DZANK1: variants seen among roughly 807,000 people sequenced by gnomAD.
The protein encoded by DZANK1 is double zinc ribbon and ankyrin repeat-containing protein 1.
DZANK1 carries 91 observed loss-of-function variants against 94.5 expected under a neutral mutation model. That is an observed-to-expected ratio of 0.96 (90% CI 0.81 to 1.15). DZANK1 has a LOEUF of 1.15. Among genes scored for constraint, DZANK1 ranks in the 50% most tolerant of loss-of-function variants. The pLI is 0.00. For missense variants in DZANK1, 903 were observed against 916.4 expected (o/e 0.99, Z 0.19); for synonymous variants, 312 against 325.3 (o/e 0.96, Z 0.44).
chr20:18,436,360 C>G lies in DZANK1; in HGVS notation c.748-2595G>C, dbSNP rs376655692. ...TTGGGAGGCTGAGGCAGGAGAATGG[C>G]GTGAACCCGGGAGGCGGAGCTTGCA... On this transcript the variant is annotated intron_variant, in intron 8 of 20. Transcript: ENST00000262547. Among the ~76,000 whole-genome samples the G allele has an allele frequency of 3.3e-5, 5 of 149,434 alleles. No homozygotes were observed. The South Asian group carries it at 1.1e-3, about 32-fold the overall frequency.
intron 10 of DZANK1, among the ~76,000 whole-genome samples, chr20:18,416,738 G>A (rs749394847): frequency 1.1e-4 from 16 of 152,084 alleles, no homozygotes; most frequent in Non-Finnish European, 2.2e-4. Flanking sequence ...CCCGAGAACA[G>A]AGGGCCTCTT....
chr20:18,431,680 ATC>A (rs1355383416), intron 9 of DZANK1, among the ~76,000 whole-genome samples: 1 of 152,176 alleles, frequency 6.6e-6, no homozygotes, highest in East Asian at 1.9e-4. Flanking sequence ...GATGATAAAA[ATC>A]TCTCTACAAA....
chr20:18,414,006 C>G (rs2057374448), intron 12 of DZANK1, among the ~76,000 whole-genome samples: 1 of 152,090 alleles, frequency 6.6e-6, no homozygotes, highest in Admixed American at 6.6e-5. Flanking sequence ...TCAAACTATG[C>G]CCAGCTGTTA....
At chr20:18,390,390 G>A in exon 18 of DZANK1, 3 of 1,613,936 alleles carry the variant, frequency 1.9e-6, no homozygotes, top group Non-Finnish European at 2.5e-6. Context: ...TCATCCAGCA[G>A]CTGTTCAATC....
chr20:18,396,838 A>C (rs2148260840), intron 14 of DZANK1, among the ~76,000 whole-genome samples: 1 of 152,368 alleles, frequency 6.6e-6, no homozygotes, highest in South Asian at 2.1e-4. Context: ...AAATCTATGC[A>C]TTCTTCAAGA....
intron 8 of DZANK1, 150 bp downstream of exon 8, chr20:18,443,197 T>C (rs1338714222): frequency 3.2e-6 from 2 of 623,306 alleles, no homozygotes; most frequent in Non-Finnish European, 5.6e-6. Context: ...TTTTCCATGC[T>C]TAAGTAGGAG....
chr20:18,408,196 A>G (rs981555298), intron 13 of DZANK1, among the ~76,000 whole-genome samples: 11 of 152,140 alleles, frequency 7.2e-5, no homozygotes, highest in Non-Finnish European at 1.5e-4. Flanking sequence ...CACGCCCGCT[A>G]TCCCAGCTAC....
At chr20:18,419,721 T>C (rs908155951) in intron 10 of DZANK1, among the ~76,000 whole-genome samples, 18 of 152,030 alleles carry the variant, frequency 1.2e-4, no homozygotes, top group African/African-American at 4.1e-4. Context: ...AATAAAGACA[T>C]TTTCAGGTAA....
At chr20:18,464,827 C>G (rs555392085) in intron 2 of DZANK1, among the ~76,000 whole-genome samples, 2 of 151,988 alleles carry the variant, frequency 1.3e-5, no homozygotes, top group South Asian at 2.1e-4. Flanking sequence ...AGGTGCCCAC[C>G]ACCATGTCTG....
At position 18,455,287 on chromosome 20, in the gene DZANK1, T is replaced by C. The variant is rs760641566; in HGVS notation, c.338A>G (p.Glu113Gly). 6.2e-7 allele frequency: 1 copy of C among 1,609,164 alleles called. No homozygotes were observed. The change falls in exon 4 of 21, where the codon GAA (glutamate) becomes GGA (glycine). Residue 113 changes from glutamate to glycine, a missense_variant. Coordinates refer to ENST00000262547, the Ensembl canonical transcript of DZANK1. ...TTTGAGAACATTTTCAACATTGTCT[T>C]CAGGAGAGACTATATTTGGTGGTTC...
chr20:18,465,234 C>T lies in DZANK1; in HGVS notation c.109+16G>A. The T allele has an allele frequency of 6.8e-7, 1 of 1,473,736 alleles. No homozygotes were observed. The highest frequency in any genetic ancestry group is 9.3e-7 in the Non-Finnish European group (1 of 1,074,430). 91.3% of individuals were successfully genotyped at this position (1,473,736 alleles called of 1,614,324 possible). Reference sequence around the variant, plus strand: ...CAATGTTATTTTAAACAATTTCAAACATATGTGATTCTTACCTGATTTCAT... The same window carrying T: ...CAATGTTATTTTAAACAATTTCAAATATATGTGATTCTTACCTGATTTCAT... On this transcript the variant is annotated intron_variant, in intron 2 of 20. Coordinates refer to ENST00000262547, the Ensembl canonical transcript of DZANK1.
intron 15 of DZANK1, among the ~76,000 whole-genome samples, chr20:18,395,411 C>T (rs187707981): frequency 2.6e-5 from 4 of 152,298 alleles, no homozygotes; most frequent in Admixed American, 2.6e-4. Context: ...GACCTGGGAA[C>T]AGTTACTCCA....
At chr20:18,463,589 A>C (rs546191219) in intron 2 of DZANK1, among the ~76,000 whole-genome samples, 1 of 152,158 alleles carries the variant, frequency 6.6e-6, no homozygotes, top group Non-Finnish European at 1.5e-5. Context: ...TGTGAAAACT[A>C]TTTATTTATT....
At position 18,414,340 on chromosome 20, in the gene DZANK1, G is replaced by A. The variant is rs2057388432; in HGVS notation, c.1242+8C>T. The A allele has an allele frequency of 6.8e-6, 11 of 1,613,550 alleles. No homozygotes were observed. The highest frequency in any genetic ancestry group is 9.3e-6 in the Non-Finnish European group (11 of 1,179,826). ...GGGTACCAGTTCTTACTACAGGGGAGGCCTCACCTCAGAAAAAGGGCGAGG... is the reference window on the plus strand; with the variant it reads ...GGGTACCAGTTCTTACTACAGGGGAAGCCTCACCTCAGAAAAAGGGCGAGG... On this transcript the variant is annotated splice_region_variant and intron_variant, in intron 12 of 20. Coordinates refer to ENST00000262547, the Ensembl canonical transcript of DZANK1.
intron 17 of DZANK1, among the ~76,000 whole-genome samples, chr20:18,392,785 GAAACCAAACCAAACC>G (rs11473123): frequency 6.6e-6 from 1 of 151,136 alleles, no homozygotes; most frequent in Admixed American, 6.6e-5. Context: ...ATCTGACAGG[GAAACCAAACCAAACC>G]AAACCAAACC....
Position 18,396,593 on chromosome 20 carries a change from T to C in DZANK1, c.1537-47A>G, listed in dbSNP as rs74548077. The C allele has an allele frequency of 3.9e-3, 5,455 of 1,406,946 alleles. 120 individuals carry two copies. The South Asian group carries it at 0.039, about 10-fold the overall frequency. The allele number at this position is 1,406,946 out of a possible 1,614,324, so 87.2% of individuals were successfully genotyped here. On this transcript the variant is annotated intron_variant, in intron 14 of 20. Coordinates refer to ENST00000262547, the Ensembl canonical transcript of DZANK1. ...GAATTCATAACTGTGGGTGTGGGACTCATTGCCTTAAGTAACAGTGTACAA... is the reference window on the plus strand; with the variant it reads ...GAATTCATAACTGTGGGTGTGGGACCCATTGCCTTAAGTAACAGTGTACAA...
intron 2 of DZANK1, among the ~76,000 whole-genome samples, chr20:18,463,851 T>C (rs1172476054): frequency 7.3e-6 from 1 of 137,706 alleles, no homozygotes; most frequent in Non-Finnish European, 1.5e-5. Flanking sequence ...CACATTTCAG[T>C]TATTAAAATA....
At chr20:18,418,444 TAA>T (rs2057606790) in intron 10 of DZANK1, among the ~76,000 whole-genome samples, 1 of 152,224 alleles carries the variant, frequency 6.6e-6, no homozygotes, top group South Asian at 2.1e-4. Flanking sequence ...CAGCTAAAGA[TAA>T]AATATCTGAA....
In DZANK1 at chr20:18,401,188, C is replaced by T. The variant is rs187382150; in HGVS notation, c.1433-2562G>A. On this transcript the variant is annotated intron_variant, in intron 13 of 20. Coordinates refer to ENST00000262547, the Ensembl canonical transcript of DZANK1. The stretch of plus-strand genomic sequence containing the variant: ...CTGACCTCAGGTGATCTGCCTGCCT[C>T]GGCCTCCCAAAGTGTTCTGATTACA... Among the ~76,000 whole-genome samples the T allele has an allele frequency of 1.6e-3, 249 of 152,244 alleles. 2 individuals carry two copies. The highest frequency in any genetic ancestry group is 5.5e-3 in the African/African-American group (229 of 41,536).
Sources: gnomAD v4.1 joint callset for allele counts (sites outside exome capture counted in the v4.1 genomes callset) on GRCh38, gnomAD v4.1.1 for gene constraint, MANE v1.5 for transcripts, NCBI Gene and HGNC (gene_info 2026-07-23, HGNC 2026-07-21) for gene names.